The following VTI1A variants were observed in gnomAD, a reference collection of about 807,000 sequenced individuals.
VTI1A encodes the protein vesicle transport through interaction with t-SNAREs homolog 1A.
A neutral mutation model predicts 34.9 loss-of-function variants in VTI1A; 22 were observed. The observed-to-expected ratio is 0.63, with a 90% confidence interval of 0.45 to 0.90. The LOEUF (loss-of-function observed/expected upper bound fraction) is 0.90. Ranked by LOEUF, VTI1A falls within the 40% of genes least tolerant of loss-of-function variation. The pLI is 0.00. For synonymous variants in VTI1A, 87 were observed against 97.3 expected (o/e 0.89, Z 0.62); for missense variants, 268 against 275.6 (o/e 0.97, Z 0.20).
chr10:112,452,507 G>A (rs1279827183), intron 1 of VTI1A, among the ~76,000 whole-genome samples: 1 of 150,006 alleles, frequency 6.7e-6, no homozygotes, highest in African/African-American at 2.5e-5. Flanking sequence ...GTCAGAGGTT[G>A]CAGTGAGCCA....
chr10:112,770,175 G>A (rs1448553369), intron 7 of VTI1A, among the ~76,000 whole-genome samples: 1 of 151,878 alleles, frequency 6.6e-6, no homozygotes, highest in Non-Finnish European at 1.5e-5. Context: ...TTATGTGTTT[G>A]ACACTTTTAT....
chr10:112,697,407 T>C (rs1848834169), intron 7 of VTI1A, among the ~76,000 whole-genome samples: 1 of 148,786 alleles, frequency 6.7e-6, no homozygotes. Flanking sequence ...TTCTTTTTTT[T>C]TTTTTTTTTG....
the VTI1A span, chr10:112,825,713 G>A: frequency 6.6e-6 from 1 of 152,178 alleles, no homozygotes; most frequent in African/African-American, 2.4e-5. Context: ...CTCATGTCTA[G>A]GGAGCACTCC....
chr10:112,694,023 A>G (rs1219320633), intron 7 of VTI1A, among the ~76,000 whole-genome samples: 2 of 152,152 alleles, frequency 1.3e-5, no homozygotes, highest in African/African-American at 4.8e-5. Context: ...CCTGGCCAAT[A>G]TGGTGAAACC....
intron 7 of VTI1A, among the ~76,000 whole-genome samples, chr10:112,791,720 T>TC (rs1350824089): frequency 1.3e-5 from 2 of 151,760 alleles, no homozygotes; most frequent in African/African-American, 4.8e-5. Flanking sequence ...CCTTTTTTCT[T>TC]CCCCCCACAG....
chr10:112,694,547 G>A (rs1590078993), intron 7 of VTI1A, among the ~76,000 whole-genome samples: 1 of 152,034 alleles, frequency 6.6e-6, no homozygotes, highest in East Asian at 1.9e-4. Flanking sequence ...CTGGAAGCAT[G>A]CCTCTGAATG....
At chr10:112,591,220 T>C (rs993996704) in intron 5 of VTI1A, among the ~76,000 whole-genome samples, 2 of 152,128 alleles carry the variant, frequency 1.3e-5, no homozygotes, top group African/African-American at 4.8e-5. Flanking sequence ...CTCAGGTTTA[T>C]GTTAGAAGAG....
chr10:112,846,943 C>T, the VTI1A span, among the ~76,000 whole-genome samples: 6 of 152,128 alleles, frequency 3.9e-5, no homozygotes, highest in African/African-American at 1.2e-4. Flanking sequence ...CAGGTGAAGA[C>T]TCCAGGAGGA....
intron 7 of VTI1A, among the ~76,000 whole-genome samples, chr10:112,749,365 G>C (rs1420934171): frequency 6.6e-6 from 1 of 152,162 alleles, no homozygotes; most frequent in Admixed American, 6.5e-5. Flanking sequence ...ATGAGGGTAG[G>C]GGGTGGAAAA....
At chr10:112,545,386 T>C (rs1851039130) in intron 5 of VTI1A, among the ~76,000 whole-genome samples, 1 of 152,250 alleles carries the variant, frequency 6.6e-6, no homozygotes, top group South Asian at 2.1e-4. Context: ...GATAATATTT[T>C]ACATGAAGAA....
At chr10:112,512,560 A>T (rs774570377) in intron 3 of VTI1A, among the ~76,000 whole-genome samples, 1 of 151,968 alleles carries the variant, frequency 6.6e-6, no homozygotes, top group Non-Finnish European at 1.5e-5. Context: ...ATTAAGTCCC[A>T]TTTGTCTATT....
intron 5 of VTI1A, among the ~76,000 whole-genome samples, chr10:112,590,084 T>G (rs962376018): frequency 6.6e-6 from 1 of 152,210 alleles, no homozygotes; most frequent in Non-Finnish European, 1.5e-5. Context: ...ACTCAGTAAC[T>G]GAACATGGTT....
intron 5 of VTI1A, among the ~76,000 whole-genome samples, chr10:112,652,885 G>T (rs1238196589): frequency 1.3e-5 from 2 of 152,176 alleles, no homozygotes; most frequent in Non-Finnish European, 2.9e-5. Flanking sequence ...AGTGTTACTG[G>T]TGGAGGGTGT....
the VTI1A span, chr10:112,831,433 G>A: frequency 6.6e-6 from 1 of 152,198 alleles, no homozygotes; most frequent in African/African-American, 2.4e-5. Flanking sequence ...AAGTGTTTGT[G>A]GACAGACGGC....
chr10:112,738,605 T>C (rs1427344211), intron 7 of VTI1A, among the ~76,000 whole-genome samples: 1 of 152,190 alleles, frequency 6.6e-6, no homozygotes. Flanking sequence ...AAGTTCAGTG[T>C]AAAATTAATC....
At chr10:112,839,390 T>C in the VTI1A span, among the ~76,000 whole-genome samples, 1 of 151,814 alleles carries the variant, frequency 6.6e-6, no homozygotes, top group South Asian at 2.1e-4. Flanking sequence ...TCCCGAAAAA[T>C]GCTGAGGAAC....
At chr10:112,502,703 T>C (rs182088017) in intron 3 of VTI1A, among the ~76,000 whole-genome samples, 91 of 152,338 alleles carry the variant, frequency 6.0e-4, no homozygotes, top group African/African-American at 1.9e-3. Context: ...ATCTTTAGTG[T>C]TGGCTCTAGC....
rs1554963656 is a variant in VTI1A at position 112,796,419 on chromosome 10, A to AAAG, written c.561-18867_561-18865dup. On this transcript the variant is annotated intron_variant, in intron 7 of 7. Transcript: ENST00000393077. ...AGACTCCGTCAAAAAAAAAAAAAAA[A>AAAG]AAGAAGGCTGTCATGTGTCTGCAAG... is the stretch of plus-strand genomic sequence containing the variant. Among the ~76,000 whole-genome samples, 531 of 145,858 alleles carry AAAG rather than the reference A, an allele frequency of 3.6e-3. 13 individuals are homozygous for AAAG. The highest frequency in any genetic ancestry group is 3.6e-3 in the Non-Finnish European group (237 of 66,568).
intron 1 of VTI1A, chr10:112,449,231 T>C (rs1436340606): frequency 6.6e-6 from 1 of 152,244 alleles, no homozygotes; most frequent in African/African-American, 2.4e-5. Context: ...GTGGTTCCAG[T>C]TAGAGTTTTA....
Sources: gnomAD v4.1 joint callset for allele counts (sites outside exome capture counted in the v4.1 genomes callset) on GRCh38, gnomAD v4.1.1 for gene constraint, MANE v1.5 for transcripts, NCBI Gene and HGNC (gene_info 2026-07-23, HGNC 2026-07-21) for gene names.